UBR2: variants seen among roughly 807,000 people sequenced by gnomAD.
UBR2 encodes the protein ubiquitin protein ligase E3 component n-recognin 2, also known as E3 ubiquitin-protein ligase UBR2.
In UBR2, 92 loss-of-function variants were observed where a neutral mutation model predicts 247.9. The observed-to-expected ratio is 0.37, with a 90% confidence interval of 0.31 to 0.44. The LOEUF is 0.44. Among genes scored for constraint, UBR2 ranks in the 20% least tolerant of loss-of-function variants. The pLI is 1.00. For synonymous variants in UBR2, 672 were observed against 693.5 expected (o/e 0.97, Z 0.49); for missense variants, 1,613 against 2,112.6 (o/e 0.76, Z 4.64).
intron 14 of UBR2, among the ~76,000 whole-genome samples, chr6:42,636,085 T>C (rs1315143259): frequency 2.0e-5 from 3 of 151,914 alleles, no homozygotes; most frequent in Non-Finnish European, 4.4e-5. Flanking sequence ...TCCTAGGAGC[T>C]ATAGAAAGGT....
intron 23 of UBR2, among the ~76,000 whole-genome samples, chr6:42,651,327 A>G (rs1044314010): frequency 6.6e-6 from 1 of 151,790 alleles, no homozygotes; most frequent in Non-Finnish European, 1.5e-5. Context: ...TTAGTTTTTG[A>G]TGAAGTCATA....
chr6:42,569,703 G>A (rs1206374116), intron 1 of UBR2, among the ~76,000 whole-genome samples: 1 of 152,104 alleles, frequency 6.6e-6, no homozygotes, highest in African/African-American at 2.4e-5. Flanking sequence ...AATTTTAATT[G>A]GGTATAGAAT....
intron 4 of UBR2, among the ~76,000 whole-genome samples, chr6:42,596,223 A>G (rs1315037134): frequency 1.3e-5 from 2 of 150,832 alleles, no homozygotes; most frequent in Non-Finnish European, 3.0e-5. Context: ...TACAGAGAAG[A>G]TATATGAATA....
At chr6:42,649,477 A>G (rs2151964869) in intron 22 of UBR2, among the ~76,000 whole-genome samples, 1 of 152,338 alleles carries the variant, frequency 6.6e-6, no homozygotes. Flanking sequence ...AGCTAGATCA[A>G]AATGAAAGCT....
At chr6:42,603,496 C>A (rs1793512675) in intron 4 of UBR2, 92 bp from the exon 5 acceptor site, 4 of 1,264,568 alleles carry the variant, frequency 3.2e-6, no homozygotes, top group Non-Finnish European at 4.1e-6. Context: ...CAACTTTTTA[C>A]TATACTATTT....
chr6:42,681,747 G>A (rs1799069065), intron 42 of UBR2, among the ~76,000 whole-genome samples: 1 of 152,084 alleles, frequency 6.6e-6, no homozygotes, highest in African/African-American at 2.4e-5. Context: ...CCACTTCTAG[G>A]TACAGATTAC....
intron 16 of UBR2, among the ~76,000 whole-genome samples, chr6:42,641,336 T>C (rs545356145): frequency 6.6e-6 from 1 of 152,112 alleles, no homozygotes; most frequent in South Asian, 2.1e-4. Flanking sequence ...TGTTGGCTTA[T>C]GCCTGTACTC....
chr6:42,650,135 T>C (rs1797030764), intron 22 of UBR2, 149 bp from the exon 23 acceptor site: 2 of 598,374 alleles, frequency 3.3e-6, no homozygotes. Flanking sequence ...GGATTTAGAC[T>C]GCCAAATCAA....
At chr6:42,614,506 T>C (rs1458969425) in intron 8 of UBR2, among the ~76,000 whole-genome samples, 1 of 150,680 alleles carries the variant, frequency 6.6e-6, no homozygotes, top group East Asian at 1.9e-4. Flanking sequence ...ATATTAATAT[T>C]TGAAGAACGT....
intron 1 of UBR2, among the ~76,000 whole-genome samples, chr6:42,569,707 A>T (rs1582410849): frequency 6.6e-6 from 1 of 152,254 alleles, no homozygotes; most frequent in African/African-American, 2.4e-5. Context: ...TTAATTGGGT[A>T]TAGAATAATA....
chr6:42,653,961 T>C (rs1193219209), intron 25 of UBR2, among the ~76,000 whole-genome samples: 1 of 152,114 alleles, frequency 6.6e-6, no homozygotes, highest in Non-Finnish European at 1.5e-5. Flanking sequence ...CTCAGAACTC[T>C]AGAGGGAAGC....
intron 42 of UBR2, 30 bp downstream of exon 42, chr6:42,679,862 T>G: frequency 1.3e-6 from 2 of 1,523,040 alleles, no homozygotes; most frequent in Non-Finnish European, 9.0e-7. Flanking sequence ...CTTTGTTGTA[T>G]TAAATAGCTC....
At chr6:42,585,489 A>C (rs770237624) in intron 2 of UBR2, among the ~76,000 whole-genome samples, 2 of 152,222 alleles carry the variant, frequency 1.3e-5, no homozygotes, top group African/African-American at 2.4e-5. Flanking sequence ...TATTTCTGGA[A>C]GTATTTATGT....
intron 2 of UBR2, among the ~76,000 whole-genome samples, chr6:42,587,384 TGCTC>T (rs1170902174): frequency 1.2e-4 from 18 of 152,100 alleles, no homozygotes; most frequent in Non-Finnish European, 1.5e-5. Context: ...GATGGAGTCT[TGCTC>T]TGTCCATTTC....
At chr6:42,615,240 G>A in intron 9 of UBR2, 62 bp downstream of exon 9, 2 of 1,288,868 alleles carry the variant, frequency 1.6e-6, no homozygotes, top group South Asian at 1.5e-5. Flanking sequence ...GGATGTGAAA[G>A]GTTTTTATCA....
At chr6:42,584,785 G>A (rs1582455082) in intron 2 of UBR2, among the ~76,000 whole-genome samples, 1 of 152,066 alleles carries the variant, frequency 6.6e-6, no homozygotes, top group South Asian at 2.1e-4. Context: ...CTGAATTTTA[G>A]TGTCCGTTTA....
At chr6:42,582,957 C>T (rs183961710) in intron 2 of UBR2, among the ~76,000 whole-genome samples, 1 of 151,950 alleles carries the variant, frequency 6.6e-6, no homozygotes, top group Admixed American at 6.6e-5. Flanking sequence ...CATCCAGCTT[C>T]TCTTGTGAAG....
rs371419656 is a variant in UBR2, at chr6:42,655,570, T to A, written c.2770-51T>A. 54 of 1,015,166 alleles carry A rather than the reference T, an allele frequency of 5.3e-5. No homozygotes were observed. The African/African-American group carries it at 9.0e-4, about 17-fold the overall frequency. 62.9% of individuals were successfully genotyped at this position (1,015,166 alleles called of 1,614,324 possible). On this transcript the variant is annotated intron_variant, in intron 25 of 46. Coordinates refer to ENST00000372901, the MANE Select transcript of UBR2 (RefSeq NM_001363705.2). The stretch of plus-strand genomic sequence containing the variant: ...TTTTTTCCTATTTCTTATTAAAATA[T>A]GTACTTGATTTTTTAAATTTTTACT...
At chr6:42,614,205 A>AATATATAT (rs1562310782) in intron 8 of UBR2, among the ~76,000 whole-genome samples, 4 of 26,614 alleles carry the variant, frequency 1.5e-4, no homozygotes, top group Non-Finnish European at 2.0e-4. Flanking sequence ...AAAAAAAAAA[A>AATATATAT]CTATATATAT....
Sources: allele counts gnomAD v4.1 joint callset (sites outside exome capture counted in the v4.1 genomes callset), GRCh38; gene constraint gnomAD v4.1.1; transcripts MANE v1.5; gene names NCBI Gene and HGNC (gene_info 2026-07-23, HGNC 2026-07-21).